Variants in ZSCAN26 observed in about 807,000 individuals in gnomAD.
ZSCAN26 encodes the protein zinc finger and SCAN domain-containing protein 26.
A neutral mutation model predicts 23.0 loss-of-function variants in ZSCAN26; 26 were observed. That is an observed-to-expected ratio of 1.13 (90% CI 0.83 to 1.57). The LOEUF is 1.57. Among genes scored for constraint, ZSCAN26 ranks in the 40% most tolerant of loss-of-function variants. The pLI, the probability that ZSCAN26 is intolerant of heterozygous loss-of-function variation, is 0.00. For synonymous variants in ZSCAN26, 180 were observed against 202.5 expected, an observed-to-expected ratio of 0.89 and a Z score of 0.94; for missense variants, 528 against 568.5, an observed-to-expected ratio of 0.93 and a Z score of 0.72.
In ZSCAN26 at chr6:28,277,159, G is replaced by C. The variant is rs568471716; in HGVS notation, c.*63G>C. On this transcript the variant is annotated 3_prime_UTR_variant, in exon 4 of 4. Transcript: ENST00000421553. ...CATTGACTAGCAAACAGCACTTTAG[G>C]AAAAGTCACCGTAGCCCACTGTGGC... The C allele has an allele frequency of 6.6e-7, 1 of 1,524,396 alleles. No individual in the cohort carries two copies. The highest frequency in any genetic ancestry group is 1.3e-5 in the South Asian group (1 of 78,534). The allele number at this position is 1,524,396 out of a possible 1,614,324, so 94.4% of individuals were successfully genotyped here.
In ZSCAN26 at chr6:28,277,325, G is replaced by A; in HGVS notation, c.*229G>A. The A allele has an allele frequency of 5.5e-6, 3 of 546,304 alleles. No homozygotes were observed. The allele number at this position is 546,304 out of a possible 1,614,324, so 33.8% of individuals were successfully genotyped here. On this transcript the variant is annotated 3_prime_UTR_variant, in exon 4 of 4. Transcript: ENST00000421553. ...TCAAAGTTAAACAGCATTCTTCACT[G>A]CAGGACATCTCAGAGCATGTAACAT...
chr6:28,275,923 G>C lies in ZSCAN26; in HGVS notation c.539-272G>C, dbSNP rs1150725. Reference sequence around the variant, plus strand: ...TTTAAGACAGTTTATTTGCTTGCTTGCTAGCTTCTCTGTGTGTGGTATCCC... The same window carrying C: ...TTTAAGACAGTTTATTTGCTTGCTTCCTAGCTTCTCTGTGTGTGGTATCCC... On this transcript the variant is annotated intron_variant, in intron 3 of 3. Transcript: ENST00000421553. 0.035 allele frequency among the ~76,000 whole-genome samples: 5,314 copies of C among 152,118 alleles called. 229 individuals are homozygous for C. The highest frequency in any genetic ancestry group is 0.1 in the African/African-American group (4,213 of 41,480).
At chr6:28,269,188 A>G (rs1417979724) in intron 1 of ZSCAN26, among the ~76,000 whole-genome samples, 4 of 151,914 alleles carry the variant, frequency 2.6e-5, no homozygotes, top group Non-Finnish European at 5.9e-5. Flanking sequence ...ATATACCAAT[A>G]CTGATATAGA....
At position 28,276,319 on chromosome 6, in the gene ZSCAN26, G is replaced by T. The variant is rs17851075; in HGVS notation, c.663G>T (p.Arg221Ser). The T allele has an allele frequency of 6.2e-7, 1 of 1,613,966 alleles. No homozygotes were observed. The highest frequency in any genetic ancestry group is 8.5e-7 in the Non-Finnish European group (1 of 1,179,870). ...EAHNEGSNLE[R>S]HQAKPKEKIE... is the part of the protein sequence containing the mutation. ...ATAATGAGGGCTCTAACTTGGAAAG[G>T]CATCAGGCCAAGCCCAAAGAGAAGA... is the stretch of plus-strand genomic sequence containing the variant. The change falls in exon 4 of 4, where the codon AGG (arginine) becomes AGT (serine). Residue 221 changes from arginine (R) to serine (S), a missense_variant. By Grantham distance (110) the Arg-to-Ser change is moderately radical. Transcript: ENST00000421553.
rs531191166 is a variant in ZSCAN26, at chr6:28,272,174, T to C, written c.255T>C (p.His85=). The C allele has an allele frequency of 6.2e-7, 1 of 1,613,854 alleles. No individual in the cohort carries two copies. Among genetic ancestry groups the C allele is most frequent in the East Asian group, 2.2e-5 (1 of 44,866 alleles). Residue 85 remains histidine, a synonymous_variant, in exon 2 of 4, where the codon CAT becomes CAC. Transcript: ENST00000421553. ...LCQQWLQPET[H]TKEQILELLV... ...AACAGTGGCTACAGCCCGAGACCCA[T>C]ACCAAGGAGCAGATCCTGGAGCTGC...
chr6:28,277,386 T>C lies in ZSCAN26; in HGVS notation c.*290T>C. On this transcript the variant is annotated 3_prime_UTR_variant, in exon 4 of 4. Transcript: ENST00000421553. ...TTATATACTCTAAGCAATAGAGAGC[T>C]TCATGACTGAGTAAGAGTTTTGAAG... 3.1e-6 allele frequency: 1 copy of C among 326,138 alleles called. No individual in the cohort carries two copies. Among genetic ancestry groups the C allele is most frequent in the Non-Finnish European group, 5.6e-6 (1 of 177,664 alleles). The allele number at this position is 326,138 out of a possible 1,614,324, so 20.2% of individuals were successfully genotyped here.
Position 28,271,952 on chromosome 6 carries a change from G to T in ZSCAN26, c.33G>T (p.Leu11=), listed in dbSNP as rs1174670120. 3 of 1,551,486 alleles carry T rather than the reference G, an allele frequency of 1.9e-6. No homozygotes were observed. Among genetic ancestry groups the T allele is most frequent in the Non-Finnish European group, 2.6e-6 (3 of 1,146,938 alleles). Residue 11 remains leucine (L), a synonymous_variant, in exon 2 of 4, where the codon CTG becomes CTT. Transcript: ENST00000421553. ...CAGCATTGGTGAGTGCCCATTCCCT[G>T]GCTCCCCTGAATCTGAAGAAGGAGG... The part of the protein sequence containing the change: MATALVSAHS[L]APLNLKKEGL...
At position 28,276,281 on chromosome 6, in the gene ZSCAN26, C is replaced by G; in HGVS notation, c.625C>G (p.Pro209Ala). 1 of 1,613,880 alleles carries G rather than the reference C, an allele frequency of 6.2e-7. No individual in the cohort carries two copies. The highest frequency in any genetic ancestry group is 1.6e-4 in the Middle Eastern group (1 of 6,062). Residue 209 changes from proline (P) to alanine (A), a missense_variant, in exon 4 of 4, where the codon CCC (proline) becomes GCC (alanine). Pro to Ala is a conservative substitution (Grantham distance 27). Coordinates refer to ENST00000421553, the MANE Select transcript of ZSCAN26 (RefSeq NM_001023560.4). The stretch of plus-strand genomic sequence containing the variant: ...AGAGTCATCTGGGAAAATATCTGAA[C>G]CCATGGAGGCTCATAATGAGGGCTC... ...RVESSGKISE[P>A]MEAHNEGSNL...
At chr6:28,275,998 C>T (rs1475625256) in intron 3 of ZSCAN26, among the ~76,000 whole-genome samples, 197 bp from the exon 4 acceptor site, 3 of 152,198 alleles carry the variant, frequency 2.0e-5, no homozygotes, top group Admixed American at 6.5e-5. Flanking sequence ...CCAGAATTCC[C>T]CATCTTTCCC....
Position 28,276,447 on chromosome 6 carries a change from T to C in ZSCAN26, c.791T>C (p.Val264Ala). The C allele has an allele frequency of 6.2e-7, 1 of 1,613,980 alleles. No homozygotes were observed. The highest frequency in any genetic ancestry group is 8.5e-7 in the Non-Finnish European group (1 of 1,179,880). ...GGAAAGAAACTCTGCGAGTCTGATG[T>C]GTGTCAGAGTTCCAGTCTTACAGGA... ...HTGKKLCESD[V>A]CQSSSLTGHK... The change falls in exon 4 of 4, where the codon GTG (valine) becomes GCG (alanine). Residue 264 changes from valine to alanine, a missense_variant. Transcript: ENST00000421553.
intron 1 of ZSCAN26, among the ~76,000 whole-genome samples, chr6:28,270,918 A>G (rs1173710800): frequency 1.3e-5 from 2 of 152,228 alleles, no homozygotes; most frequent in Non-Finnish European, 2.9e-5. Context: ...CATTTCCCTT[A>G]TAAATCAGTG....
chr6:28,272,019 C>T lies in ZSCAN26; in HGVS notation c.100C>T (p.Gln34Ter), dbSNP rs1021513786. ...VREDHYSTWE[Q>*]GFKLQGNSKG... ...GGAGGATCACTACTCTACTTGGGAACAGGGATTCAAGCTGCAAGGAAACAG... is the reference window on the plus strand; with the variant it reads ...GGAGGATCACTACTCTACTTGGGAATAGGGATTCAAGCTGCAAGGAAACAG... The change falls in exon 2 of 4, where the codon CAG (glutamine) becomes TAG (stop). Residue 34 changes from glutamine to a stop codon, truncating the protein, a stop_gained. Coordinates refer to ENST00000421553, the MANE Select transcript of ZSCAN26 (RefSeq NM_001023560.4). LOFTEE classifies it high-confidence loss of function. 2 of 1,551,798 alleles carry T rather than the reference C, an allele frequency of 1.3e-6. No homozygotes were observed. The highest frequency in any genetic ancestry group is 1.4e-5 in the African/African-American group (1 of 73,150).
intron 1 of ZSCAN26, among the ~76,000 whole-genome samples, 152 bp from the exon 2 acceptor site, chr6:28,271,702 A>C (rs1245459019): frequency 6.6e-6 from 1 of 152,200 alleles, no homozygotes. Context: ...GGTATTCTGT[A>C]AGATAGTTTT....
intron 3 of ZSCAN26, 132 bp from the exon 4 acceptor site, chr6:28,276,063 C>A: frequency 2.7e-6 from 2 of 752,650 alleles, no homozygotes; most frequent in Non-Finnish European, 4.2e-6. Flanking sequence ...CTATTTTACG[C>A]AATCACAAGC....
At chr6:28,273,677 C>T (rs1194710563) in intron 3 of ZSCAN26, among the ~76,000 whole-genome samples, 4 of 150,560 alleles carry the variant, frequency 2.7e-5, no homozygotes, top group African/African-American at 9.8e-5. Flanking sequence ...CATTTCTAAA[C>T]GTCACCTGGA....
rs774317111 is a variant in ZSCAN26 at position 28,276,344 on chromosome 6, A to T, written c.688A>T (p.Ile230Phe). The change falls in exon 4 of 4, where the codon ATT becomes TTT. Residue 230 changes from isoleucine (I) to phenylalanine (F), a missense_variant. Ile to Phe is a conservative substitution (Grantham distance 21). Coordinates refer to ENST00000421553, the MANE Select transcript of ZSCAN26 (RefSeq NM_001023560.4). Reference protein sequence around the residue: ...ERHQAKPKEKIEYKCSEREQR... With the variant: ...ERHQAKPKEKFEYKCSEREQR... ...GCATCAGGCCAAGCCCAAAGAGAAG[A>T]TTGAGTATAAATGCTCAGAACGTGA... The T allele has an allele frequency of 1.4e-5, 23 of 1,613,920 alleles. No homozygotes were observed. The South Asian group carries it at 2.2e-4, about 15-fold the overall frequency.
At chr6:28,271,782 C>A in intron 1 of ZSCAN26, 72 bp from the exon 2 acceptor site, 1 of 790,602 alleles carries the variant, frequency 1.3e-6, no homozygotes, top group Non-Finnish European at 2.0e-6. Context: ...AATGTATAAA[C>A]CCAAGAAAAT....
In ZSCAN26 at chr6:28,276,091, T is replaced by A. The variant is rs564379885; in HGVS notation, c.539-104T>A. 3 of 1,048,750 alleles carry A rather than the reference T, an allele frequency of 2.9e-6. No individual in the cohort carries two copies. In the South Asian group the frequency reaches 5.2e-5, roughly 18 times the overall value. The allele number at this position is 1,048,750 out of a possible 1,614,324, so 65.0% of individuals were successfully genotyped here. On this transcript the variant is annotated intron_variant, in intron 3 of 3. Transcript: ENST00000421553. ...TCACAAGCATCCACAATGTTTTTAC[T>A]TTGCACACATGGCTTCATTATATTT...
At chr6:28,275,617 A>G (rs907408596) in intron 3 of ZSCAN26, among the ~76,000 whole-genome samples, 4 of 152,210 alleles carry the variant, frequency 2.6e-5, no homozygotes, top group Admixed American at 1.3e-4. Context: ...CTGCTGTCCA[A>G]GGAGATTAGG....
Sources: gnomAD v4.1 joint callset for allele counts (sites outside exome capture counted in the v4.1 genomes callset) on GRCh38, gnomAD v4.1.1 for gene constraint, MANE v1.5 for transcripts, NCBI Gene and HGNC (gene_info 2026-07-23, HGNC 2026-07-21) for gene names.